The following TULP4 variants were observed in gnomAD, a reference collection of about 807,000 sequenced individuals.
TULP4 encodes the protein TUB like protein 4, also known as tubby-related protein 4.
A neutral mutation model predicts 129.0 loss-of-function variants in TULP4; 16 were observed. The observed-to-expected ratio is 0.12, with a 90% CI of 0.08 to 0.19. TULP4 has a LOEUF of 0.19. Ranked by LOEUF, TULP4 falls within the 10% of genes least tolerant of loss-of-function variation. The pLI, the probability that TULP4 is intolerant of heterozygous loss-of-function variation, is 1.00. For missense variants in TULP4, 1,842 were observed against 2,059.1 expected, an observed-to-expected ratio of 0.89 and a Z score of 2.04; for synonymous variants, 998 against 854.0, an observed-to-expected ratio of 1.17 and a Z score of -2.94.
At chr6:158,365,189 G>A (rs1780904030) in intron 1 of TULP4, among the ~76,000 whole-genome samples, 1 of 151,938 alleles carries the variant, frequency 6.6e-6, no homozygotes, top group African/African-American at 2.4e-5. Flanking sequence ...CCTACTAGAT[G>A]TGTTTCTTTT....
chr6:158,415,339 G>A (rs1435954120), intron 2 of TULP4, among the ~76,000 whole-genome samples: 10 of 150,124 alleles, frequency 6.7e-5, no homozygotes, highest in Non-Finnish European at 1.3e-4. Context: ...ATTTTAGATA[G>A]AGTGTGCTTC....
chr6:158,373,662 A>G (rs986857466), intron 1 of TULP4, among the ~76,000 whole-genome samples: 1 of 152,218 alleles, frequency 6.6e-6, no homozygotes, highest in African/African-American at 2.4e-5. Context: ...CTGAAAGGCT[A>G]ACTCCTCCAA....
chr6:158,350,837 T>C (rs538158027), intron 1 of TULP4, among the ~76,000 whole-genome samples: 5 of 151,870 alleles, frequency 3.3e-5, no homozygotes, highest in Admixed American at 3.3e-4. Flanking sequence ...CTCGGCTCAC[T>C]GCAGCCTCCG....
At chr6:158,388,738 C>T (rs553280705) in intron 1 of TULP4, among the ~76,000 whole-genome samples, 5 of 150,828 alleles carry the variant, frequency 3.3e-5, no homozygotes, top group African/African-American at 1.2e-4. Flanking sequence ...GAAAAATAAA[C>T]TTACTGTTTA....
intron 1 of TULP4, among the ~76,000 whole-genome samples, chr6:158,257,423 A>G (rs970520740): frequency 9.9e-5 from 15 of 152,232 alleles, no homozygotes; most frequent in African/African-American, 3.1e-4. Context: ...TAAAATATAC[A>G]TAACAAAATA....
intron 1 of TULP4, 55 bp downstream of exon 1, chr6:158,314,323 C>T: frequency 6.4e-7 from 1 of 1,574,376 alleles, no homozygotes; most frequent in South Asian, 1.1e-5. Context: ...TTTTTGAGCC[C>T]CTTGTGGACT....
upstream of TULP4, among the ~76,000 whole-genome samples, chr6:158,309,035 C>T: frequency 7.3e-6 from 1 of 137,682 alleles, no homozygotes. Flanking sequence ...CGGGGGCTGA[C>T]CCCCACCTCC....
intron 1 of TULP4, among the ~76,000 whole-genome samples, chr6:158,258,705 A>G (rs1402036637): frequency 6.6e-6 from 1 of 152,214 alleles, no homozygotes; most frequent in African/African-American, 2.4e-5. Context: ...TTAAAACAAA[A>G]TGCCGCCATC....
chr6:158,448,477 C>A (rs1161204143), intron 3 of TULP4, among the ~76,000 whole-genome samples: 1 of 152,148 alleles, frequency 6.6e-6, no homozygotes, highest in African/African-American at 2.4e-5. Flanking sequence ...AAACATTCAA[C>A]ATTGGAAATA....
At chr6:158,478,308 T>C (rs1779866650) in intron 6 of TULP4, among the ~76,000 whole-genome samples, 1 of 152,210 alleles carries the variant, frequency 6.6e-6, no homozygotes, top group Non-Finnish European at 1.5e-5. Context: ...AATATTGTCT[T>C]AGGGGGCTCA....
chr6:158,492,090 C>T (rs561270402), intron 9 of TULP4, among the ~76,000 whole-genome samples: 44 of 152,284 alleles, frequency 2.9e-4, no homozygotes, highest in African/African-American at 1.0e-3. Context: ...AAACTCCTGA[C>T]CTTGTGATCC....
chr6:158,428,258 T>G (rs541342186), intron 2 of TULP4: 1 of 152,380 alleles, frequency 6.6e-6, no homozygotes, highest in East Asian at 1.9e-4. Context: ...ATCATCTGTT[T>G]ATACAAATTC....
intron 1 of TULP4, among the ~76,000 whole-genome samples, chr6:158,295,722 T>C (rs1215680833): frequency 1.3e-5 from 2 of 152,114 alleles, no homozygotes; most frequent in Non-Finnish European, 2.9e-5. Context: ...ACTCCATCTC[T>C]ACTAAAAAAT....
intron 1 of TULP4, among the ~76,000 whole-genome samples, chr6:158,406,016 G>A (rs918365156): frequency 3.9e-5 from 6 of 152,174 alleles, no homozygotes; most frequent in Non-Finnish European, 8.8e-5. Context: ...GCTCCTCTGA[G>A]TGTTCCACCA....
intron 1 of TULP4, among the ~76,000 whole-genome samples, chr6:158,240,839 G>A (rs987758925): frequency 1.1e-4 from 16 of 149,770 alleles, no homozygotes; most frequent in Non-Finnish European, 6.0e-5. Flanking sequence ...CTGGCTGGGC[G>A]GGGGGGCTGA....
rs781601716 is a variant in TULP4, at chr6:158,503,409, C to A, written c.3746C>A (p.Thr1249Lys). 1 of 1,613,876 alleles carries A rather than the reference C, an allele frequency of 6.2e-7. No individual in the cohort carries two copies. The highest frequency in any genetic ancestry group is 1.3e-5 in the African/African-American group (1 of 74,914). Residue 1249 changes from threonine (T) to lysine (K), a missense_variant, in exon 13 of 14, where the codon ACG becomes AAG. Physicochemically the swap from Thr to Lys is moderately conservative, Grantham distance 78. Transcript: ENST00000367097. The surrounding 1 kb of genome is among the most constrained non-coding windows in gnomAD (Gnocchi z 4.3). ...TLPPMYPGSSTCSSLQLPPVA... is the reference protein window; with the variant it reads ...TLPPMYPGSSKCSSLQLPPVA... Reference sequence around the variant, plus strand: ...CCCCCCATGTACCCAGGAAGCAGCACGTGCTCTAGTTTACAGCTGCCACCT... The same window carrying A: ...CCCCCCATGTACCCAGGAAGCAGCAAGTGCTCTAGTTTACAGCTGCCACCT...
chr6:158,362,719 A>G (rs534918382), intron 1 of TULP4, among the ~76,000 whole-genome samples: 3 of 152,316 alleles, frequency 2.0e-5, no homozygotes, highest in African/African-American at 4.8e-5. Context: ...GATTGTGTCC[A>G]TCTGTACTTA....
intron 3 of TULP4, among the ~76,000 whole-genome samples, chr6:158,442,325 T>G (rs920395872): frequency 2.6e-5 from 4 of 152,138 alleles, no homozygotes; most frequent in Non-Finnish European, 1.5e-5. Context: ...GTTGTAAAAT[T>G]TTGAAATGGG....
chr6:158,509,272 T>G lies in TULP4; in HGVS notation c.*2578T>G, dbSNP rs972888386. ...TTAATCACTTAAAAATTTTTTTTTG[T>G]ATTTTGTGTTATTGATTATATACAA... On this transcript the variant is annotated 3_prime_UTR_variant, in exon 14 of 14. Coordinates refer to ENST00000367097, the MANE Select transcript of TULP4 (RefSeq NM_020245.5). The G allele has an allele frequency of 6.6e-6, 1 of 152,154 alleles. No individual in the cohort carries two copies. The highest frequency in any genetic ancestry group is 1.5e-5 in the Non-Finnish European group (1 of 68,036). The allele number at this position is 152,154 out of a possible 1,614,324, so 9.4% of individuals were successfully genotyped here.
Sources: gnomAD v4.1 joint callset for allele counts (sites outside exome capture counted in the v4.1 genomes callset) on GRCh38, gnomAD v4.1.1 for gene constraint, Gnocchi (gnomAD v3.1) non-coding constraint, MANE v1.5 for transcripts, NCBI Gene and HGNC (gene_info 2026-07-23, HGNC 2026-07-21) for gene names.